The following TSEN15 variants were observed in gnomAD, a reference collection of about 807,000 sequenced individuals.
TSEN15 encodes the protein tRNA splicing endonuclease subunit 15.
In TSEN15, 10 loss-of-function variants were observed where a neutral mutation model predicts 20.5. That is an observed-to-expected ratio of 0.49 (90% CI 0.30 to 0.83). The LOEUF is 0.83. TSEN15 is among the 40% of genes least tolerant of loss of function. TSEN15 has a pLI of 0.06. For missense variants in TSEN15, 180 were observed against 218.6 expected, an observed-to-expected ratio of 0.82 and a Z score of 1.11; for synonymous variants, 72 against 80.1, an observed-to-expected ratio of 0.90 and a Z score of 0.54.
chr1:184,055,804 T>A (rs1026953750), intron 3 of TSEN15, among the ~76,000 whole-genome samples: 2 of 145,300 alleles, frequency 1.4e-5, no homozygotes, highest in Admixed American at 1.3e-4. Context: ...TTATTTTTAA[T>A]AATGTAATAA....
chr1:184,052,136 C>T (rs1650078366), intron 1 of TSEN15, among the ~76,000 whole-genome samples: 1 of 152,280 alleles, frequency 6.6e-6, no homozygotes, highest in East Asian at 1.9e-4. Context: ...GTAACTCCGC[C>T]CCTCTCAAGC....
At chr1:184,093,652 A>C (rs1235005740) in intron 3 of TSEN15, 1 of 152,188 alleles carries the variant, frequency 6.6e-6, no homozygotes, top group African/African-American at 2.4e-5. Context: ...TATTTATTAA[A>C]GATATTAACA....
At chr1:184,067,610 CA>C (rs1222761270) in intron 3 of TSEN15, among the ~76,000 whole-genome samples, 1 of 151,712 alleles carries the variant, frequency 6.6e-6, no homozygotes, top group Admixed American at 6.6e-5. Context: ...TAAGAATTTC[CA>C]AAAAATTAGA....
At chr1:184,062,967 A>G (rs895711311) in intron 3 of TSEN15, among the ~76,000 whole-genome samples, 12 of 152,086 alleles carry the variant, frequency 7.9e-5, no homozygotes, top group Non-Finnish European at 1.5e-5. Context: ...GAAACTATTA[A>G]TCTCCTTTTC....
chr1:184,088,313 A>G (rs1054897240), intron 3 of TSEN15, among the ~76,000 whole-genome samples: 1 of 152,156 alleles, frequency 6.6e-6, no homozygotes, highest in African/African-American at 2.4e-5. Flanking sequence ...GTGTCTGGAT[A>G]AAGCATCGGA....
intron 3 of TSEN15, chr1:184,071,033 T>G (rs1289449069): frequency 6.4e-6 from 1 of 156,706 alleles, no homozygotes; most frequent in Admixed American, 6.2e-5. Flanking sequence ...GGTAGCAAAG[T>G]TGTATATATA....
chr1:184,055,023 C>A, intron 3 of TSEN15, 160 bp downstream of exon 3: 2 of 725,828 alleles, frequency 2.8e-6, no homozygotes, highest in Non-Finnish European at 4.3e-6. Flanking sequence ...TGTATTCGGC[C>A]ATTCTTGCAT....
At chr1:184,059,150 T>C (rs1459165537) in intron 3 of TSEN15, among the ~76,000 whole-genome samples, 1 of 152,052 alleles carries the variant, frequency 6.6e-6, no homozygotes, top group Non-Finnish European at 1.5e-5. Flanking sequence ...TGTAGCTAGA[T>C]AATTGAATAA....
At chr1:184,091,052 G>A (rs929546486) in intron 3 of TSEN15, among the ~76,000 whole-genome samples, 2 of 152,076 alleles carry the variant, frequency 1.3e-5, no homozygotes, top group Non-Finnish European at 2.9e-5. Flanking sequence ...TTTACCAAAG[G>A]CCTCATCACC....
In TSEN15 at chr1:184,072,811, TC is replaced by T. The variant is rs1273177401; in HGVS notation, c.496-15del. On this transcript the variant is annotated splice_polypyrimidine_tract_variant and intron_variant, in intron 4 of 4. Transcript: ENST00000645668. Reference sequence around the variant, plus strand: ...TTTATCGGAGAAAAGTCCATCCTGATCTTTTTTTTTTCCAGAATATTTCTCT... The same window carrying T: ...TTTATCGGAGAAAAGTCCATCCTGATTTTTTTTTTTCCAGAATATTTCTCT... 1 of 1,595,354 alleles carries T rather than the reference TC, an allele frequency of 6.3e-7. No homozygotes were observed. Among genetic ancestry groups the T allele is most frequent in the African/African-American group, 1.4e-5 (1 of 73,968 alleles).
intron 3 of TSEN15, among the ~76,000 whole-genome samples, chr1:184,086,808 C>G (rs370070674): frequency 6.6e-6 from 1 of 152,258 alleles, no homozygotes; most frequent in East Asian, 1.9e-4. Flanking sequence ...CTTTGATGAC[C>G]TAATCCTGGA....
intron 3 of TSEN15, among the ~76,000 whole-genome samples, chr1:184,083,803 G>C (rs1479129730): frequency 6.6e-6 from 1 of 152,140 alleles, no homozygotes; most frequent in Non-Finnish European, 1.5e-5. Flanking sequence ...GAAAGGAGTT[G>C]GTGCAGATAC....
At chr1:184,051,949 C>T (rs1650066754) in intron 1 of TSEN15, 59 bp downstream of exon 1, 1 of 1,375,862 alleles carries the variant, frequency 7.3e-7, no homozygotes, top group Non-Finnish European at 9.5e-7. Context: ...GCAGAACACT[C>T]CCAGGCAGCT....
At chr1:184,079,540 T>C (rs754082904) in intron 3 of TSEN15, among the ~76,000 whole-genome samples, 24 of 152,062 alleles carry the variant, frequency 1.6e-4, no homozygotes, top group Non-Finnish European at 3.2e-4. Context: ...ACATGGCCTT[T>C]CCTCTGTGGG....
chr1:184,086,777 G>T (rs188190677), intron 3 of TSEN15, among the ~76,000 whole-genome samples: 1 of 152,132 alleles, frequency 6.6e-6, no homozygotes, highest in South Asian at 2.1e-4. Flanking sequence ...GAGAGAGCAC[G>T]AGAGAGAGAA....
At chr1:184,070,671 C>T (rs1283647661) in intron 3 of TSEN15, 1 of 1,289,578 alleles carries the variant, frequency 7.8e-7, no homozygotes, top group Non-Finnish European at 1.0e-6. Flanking sequence ...AAAAGATTTG[C>T]ATTGAAGAAG....
chr1:184,077,420 G>A (rs909167776), downstream of TSEN15, among the ~76,000 whole-genome samples: 1 of 152,108 alleles, frequency 6.6e-6, no homozygotes, highest in African/African-American at 2.4e-5. Context: ...GGTCACCCAA[G>A]AGCCCTCATG....
At chr1:184,083,601 G>C (rs1651208554) in intron 3 of TSEN15, among the ~76,000 whole-genome samples, 3 of 152,118 alleles carry the variant, frequency 2.0e-5, no homozygotes. Flanking sequence ...AGATGGGGAT[G>C]CTGTGGTTTT....
At chr1:184,081,503 C>T (rs1200155857) in intron 3 of TSEN15, among the ~76,000 whole-genome samples, 1 of 152,132 alleles carries the variant, frequency 6.6e-6, no homozygotes, top group African/African-American at 2.4e-5. Context: ...CCATGATCTA[C>T]CTCAAGAAAG....
Sources: gnomAD v4.1 joint callset for allele counts (sites outside exome capture counted in the v4.1 genomes callset) on GRCh38, gnomAD v4.1.1 for gene constraint, MANE v1.5 for transcripts, NCBI Gene and HGNC (gene_info 2026-07-23, HGNC 2026-07-21) for gene names.